Variants in SLK observed in about 807,000 individuals in gnomAD.
SLK encodes the protein STE20 like kinase, also known as STE20-like serine/threonine-protein kinase.
SLK carries 67 observed loss-of-function variants against 147.7 expected under a neutral mutation model. The observed-to-expected ratio is 0.45, with a 90% CI of 0.37 to 0.56. The LOEUF (loss-of-function observed/expected upper bound fraction) is 0.56. Ranked by LOEUF, SLK falls within the 20% of genes least tolerant of loss-of-function variation. The probability of loss-of-function intolerance (pLI) is 0.00; values close to 1 mark genes in which losing one functional copy is unlikely to be tolerated. For missense variants in SLK, 1,136 were observed against 1,438.8 expected (o/e 0.79, Z 3.41); for synonymous variants, 441 against 475.0 (o/e 0.93, Z 0.93).
At position 104,016,187 on chromosome 10, in the gene SLK, T is replaced by C. The variant is rs187557121; in HGVS notation, c.2878-1973T>C. Among the ~76,000 whole-genome samples the C allele has an allele frequency of 3.3e-3, 503 of 151,938 alleles. 1 individual carries two copies. The highest frequency in any genetic ancestry group is 6.9e-3 in the African/African-American group (285 of 41,458). Reference sequence around the variant, plus strand: ...ACAAAAAATTAGCTGGGCGTGGTGGTGGGCGCCTGTAGTCCCGGCTACTCA... The same window carrying C: ...ACAAAAAATTAGCTGGGCGTGGTGGCGGGCGCCTGTAGTCCCGGCTACTCA... On this transcript the variant is annotated intron_variant, in intron 13 of 18. Transcript: ENST00000369755.
Position 104,003,519 on chromosome 10 carries a change from T to C in SLK, c.2341T>C (p.Ser781Pro), listed in dbSNP as rs771951785. ...LSKTKDSGSI[S>P]LQETRRQKKT... ...TAAAACTAAAGACAGTGGATCGATA[T>C]CTTTACAAGTAAGTGTACATGAGTC... Residue 781 changes from serine to proline, a missense_variant, in exon 9 of 19, where the codon TCT becomes CCT. This residue lies in a region of SLK where 516 missense variants were observed against 531.3 expected (regional missense o/e 0.97). Transcript: ENST00000369755. The C allele has an allele frequency of 3.8e-6, 6 of 1,567,272 alleles. No individual in the cohort carries two copies. Among genetic ancestry groups the C allele is most frequent in the East Asian group, 4.5e-5 (2 of 44,436 alleles).
intron 1 of SLK, among the ~76,000 whole-genome samples, chr10:103,988,962 A>C (rs983550721): frequency 2.6e-5 from 4 of 152,210 alleles, no homozygotes; most frequent in African/African-American, 9.6e-5. Flanking sequence ...GACCCACCAG[A>C]GGCTGTGATT....
At chr10:103,987,659 T>G (rs1394191320) in intron 1 of SLK, among the ~76,000 whole-genome samples, 1 of 152,244 alleles carries the variant, frequency 6.6e-6, no homozygotes, top group Non-Finnish European at 1.5e-5. Flanking sequence ...ATATACATCA[T>G]AGTGAAATGT....
chr10:103,998,235 C>G (rs886112652), intron 4 of SLK, among the ~76,000 whole-genome samples: 2 of 152,118 alleles, frequency 1.3e-5, no homozygotes, highest in Non-Finnish European at 2.9e-5. Context: ...ATTTTTGGTA[C>G]TTATTCAACT....
intron 1 of SLK, among the ~76,000 whole-genome samples, chr10:103,985,262 T>C (rs1843997866): frequency 6.6e-6 from 1 of 152,232 alleles, no homozygotes; most frequent in Non-Finnish European, 1.5e-5. Context: ...TCTTGGGATG[T>C]ATTCCCTGGG....
chr10:104,029,006 GAT>G lies in SLK; in HGVS notation c.*3288_*3289del, dbSNP rs1844633155. ...GCTATTCCGTTGCTGACATGTTTTT[GAT>G]AAAGCTTTAACATTCCTGCTACTAA... On this transcript the variant is annotated 3_prime_UTR_variant, in exon 19 of 19. Coordinates refer to ENST00000369755, the MANE Select transcript of SLK (RefSeq NM_014720.4). The G allele has an allele frequency of 1.3e-5, 2 of 152,166 alleles. No individual in the cohort carries two copies. Among genetic ancestry groups the G allele is most frequent in the Admixed American group, 6.5e-5 (1 of 15,280 alleles). The allele number at this position is 152,166 out of a possible 1,614,324, so 9.4% of individuals were successfully genotyped here. A position where few individuals can be genotyped will look rare whatever the true frequency, so the allele number is the denominator to read the frequency against.
chr10:103,970,516 A>G (rs1244528932), intron 1 of SLK, among the ~76,000 whole-genome samples: 1 of 152,038 alleles, frequency 6.6e-6, no homozygotes, highest in Non-Finnish European at 1.5e-5. Context: ...TTCTTTTTTC[A>G]TTTCACTACT....
At chr10:103,992,051 G>A (rs2134472535) in intron 2 of SLK, among the ~76,000 whole-genome samples, 1 of 150,884 alleles carries the variant, frequency 6.6e-6, no homozygotes, top group African/African-American at 2.4e-5. Context: ...AAGGTACATG[G>A]TGTTATGTCT....
At chr10:104,021,896 A>G (rs1844539984) in intron 18 of SLK, among the ~76,000 whole-genome samples, 163 bp downstream of exon 18, 1 of 152,152 alleles carries the variant, frequency 6.6e-6, no homozygotes, top group African/African-American at 2.4e-5. Flanking sequence ...AGTGACAAGC[A>G]GTTAGGAATT....
chr10:104,003,190 A>T lies in SLK; in HGVS notation c.2012A>T (p.Asp671Val), dbSNP rs1844277771. 1 of 1,613,956 alleles carries T rather than the reference A, an allele frequency of 6.2e-7. No individual in the cohort carries two copies. The highest frequency in any genetic ancestry group is 8.5e-7 in the Non-Finnish European group (1 of 1,179,988). Residue 671 changes from aspartate (D) to valine (V), a missense_variant, in exon 9 of 19, where the codon GAT becomes GTT. By Grantham distance (152) the Asp-to-Val change is radical (BLOSUM62 -3). Transcript: ENST00000369755. ...AAGGCTTTAGGAAGTGAAGTTCAGG[A>T]TGCTTCTAAAGTCACTACTCAGATA... ...DQKALGSEVQ[D>V]ASKVTTQIDK...
chr10:103,999,364 C>T, intron 6 of SLK, 51 bp downstream of exon 6: 6 of 1,322,592 alleles, frequency 4.5e-6, no homozygotes, highest in Non-Finnish European at 6.3e-6. Flanking sequence ...TACTAGGAAG[C>T]AGAACTTGAT....
chr10:103,990,756 G>T lies in SLK; in HGVS notation c.232G>T (p.Val78Leu). 1.3e-6 allele frequency: 2 copies of T among 1,571,658 alleles called. No homozygotes were observed. Among genetic ancestry groups the T allele is most frequent in the East Asian group, 2.4e-5 (1 of 41,832 alleles). ...TGAAGAAGAACTTGAAGATTACATGGTAGAGATTGACATATTAGCATCTTG... is the reference window on the plus strand; with the variant it reads ...TGAAGAAGAACTTGAAGATTACATGTTAGAGATTGACATATTAGCATCTTG... ...KSEEELEDYM[V>L]EIDILASCDH... is the part of the protein sequence containing the mutation. Residue 78 changes from valine (V) to leucine (L), a missense_variant, in exon 2 of 19, where the codon GTA becomes TTA. Coordinates refer to ENST00000369755, the MANE Select transcript of SLK (RefSeq NM_014720.4).
chr10:104,019,103 T>C (rs112103428), intron 15 of SLK, 195 bp downstream of exon 15: 1 of 480,594 alleles, frequency 2.1e-6, no homozygotes, highest in Non-Finnish European at 3.7e-6. Flanking sequence ...CTACAAATTA[T>C]AAGGAAAGTA....
intron 15 of SLK, 23 bp downstream of exon 15, chr10:104,018,931 CA>C: frequency 6.5e-7 from 1 of 1,544,146 alleles, no homozygotes; most frequent in Non-Finnish European, 8.7e-7. Context: ...AAAATTTCTT[CA>C]TTTTTTTGTT....
At chr10:104,016,694 C>G (rs976096421) in intron 13 of SLK, among the ~76,000 whole-genome samples, 24 of 152,164 alleles carry the variant, frequency 1.6e-4, no homozygotes, top group African/African-American at 5.1e-4. Flanking sequence ...TTAGTTCACT[C>G]TCTGACATGA....
At chr10:103,990,972 T>C in intron 2 of SLK, 133 bp downstream of exon 2, 1 of 446,554 alleles carries the variant, frequency 2.2e-6, no homozygotes, top group Non-Finnish European at 3.8e-6. Context: ...TGAATGAGAG[T>C]TGATCTGCTG....
chr10:104,025,408 A>G (rs1844584825), intron 18 of SLK, among the ~76,000 whole-genome samples, 166 bp from the exon 19 acceptor site: 1 of 152,210 alleles, frequency 6.6e-6, no homozygotes, highest in Non-Finnish European at 1.5e-5. Context: ...GGACTTGCAC[A>G]TAGGGCTGTA....
intron 16 of SLK, 107 bp from the exon 17 acceptor site, chr10:104,020,381 T>C: frequency 1.9e-6 from 2 of 1,062,748 alleles, no homozygotes; most frequent in Non-Finnish European, 1.3e-6. Flanking sequence ...TTATTACTTG[T>C]AGCTTCAGTT....
At position 104,019,819 on chromosome 10, in the gene SLK, A is replaced by G. The variant is rs1288094415; in HGVS notation, c.3218A>G (p.Lys1073Arg). The change falls in exon 16 of 19, where the codon AAG (lysine) becomes AGG (arginine). Residue 1073 changes from lysine (K) to arginine (R), a missense_variant. Lys to Arg is a conservative substitution (Grantham distance 26). Around this residue, in one of 6 missense-constraint regions of SLK, gnomAD observed 327 missense variants for 457.5 expected, o/e 0.71. Transcript: ENST00000369755. ...ACTCAAGAAAGAGCAAGACTGCCCAAGATTCAGCGCAGTGAAGCCAAGACT... is the reference window on the plus strand; with the variant it reads ...ACTCAAGAAAGAGCAAGACTGCCCAGGATTCAGCGCAGTGAAGCCAAGACT... ...RQTQERARLPKIQRSEAKTRM... is the reference protein window; with the variant it reads ...RQTQERARLPRIQRSEAKTRM... 3.1e-6 allele frequency: 5 copies of G among 1,613,760 alleles called. No homozygotes were observed. Among genetic ancestry groups the G allele is most frequent in the Non-Finnish European group, 3.4e-6 (4 of 1,179,580 alleles).
Sources: gnomAD v4.1 joint callset for allele counts (sites outside exome capture counted in the v4.1 genomes callset) on GRCh38, gnomAD v4.1.1 for gene constraint, gnomAD v4.1.1 regional missense constraint, MANE v1.5 for transcripts, NCBI Gene and HGNC (gene_info 2026-07-23, HGNC 2026-07-21) for gene names.